The following ADGRE3 variants were observed in gnomAD, a reference collection of about 807,000 sequenced individuals.
The protein encoded by ADGRE3 is EGF-like module receptor 3.
In ADGRE3, 88 loss-of-function variants were observed where a neutral mutation model predicts 80.1. That is an observed-to-expected ratio of 1.10 (90% CI 0.93 to 1.31). The LOEUF is 1.31. ADGRE3 is among the 40% of genes most tolerant of loss of function. The pLI is 0.00. For missense variants in ADGRE3, 715 were observed against 776.5 expected (o/e 0.92, Z 0.94); for synonymous variants, 281 against 294.8 (o/e 0.95, Z 0.48).
chr19:14,622,115 C>G (rs1782663696), intron 15 of ADGRE3: 1 of 1,052,990 alleles, frequency 9.5e-7, no homozygotes, highest in Middle Eastern at 2.8e-4. Context: ...AGCACAGACA[C>G]CAAGGCAGGT....
At chr19:14,646,940 T>C (rs1418934889) in intron 8 of ADGRE3, among the ~76,000 whole-genome samples, 1 of 151,880 alleles carries the variant, frequency 6.6e-6, no homozygotes, top group Admixed American at 6.6e-5. Context: ...CTGGTTTAAA[T>C]CAAGCTAATT....
chr19:14,626,292 A>G (rs975539040), intron 14 of ADGRE3, among the ~76,000 whole-genome samples: 1 of 151,802 alleles, frequency 6.6e-6, no homozygotes, highest in African/African-American at 2.4e-5. Context: ...AAATAATTAG[A>G]TGGGAGTGGT....
chr19:14,607,038 G>T, the ADGRE3 span: 1 of 1,349,556 alleles, frequency 7.4e-7, no homozygotes, highest in Non-Finnish European at 9.6e-7. Context: ...GTACTGGCTG[G>T]GGCTGAATGA....
chr19:14,652,395 C>T (rs975934135), intron 6 of ADGRE3, among the ~76,000 whole-genome samples: 3 of 151,738 alleles, frequency 2.0e-5, no homozygotes, highest in Admixed American at 2.0e-4. Context: ...GTGATGGGTG[C>T]ATCAGGGATT....
chr19:14,615,453 A>AT (rs1031584813), downstream of ADGRE3, among the ~76,000 whole-genome samples: 3 of 151,714 alleles, frequency 2.0e-5, no homozygotes, highest in African/African-American at 7.3e-5. Context: ...ATTAAAAAAA[A>AT]TTTTTTTTAG....
chr19:14,672,087 C>T (rs556862335), intron 1 of ADGRE3, among the ~76,000 whole-genome samples: 321 of 152,248 alleles, frequency 2.1e-3, no homozygotes, highest in Middle Eastern at 6.8e-3. Context: ...ACAAACCTTA[C>T]GCCTGCCCAA....
At chr19:14,613,400 T>A in the ADGRE3 span, among the ~76,000 whole-genome samples, 16 of 151,820 alleles carry the variant, frequency 1.1e-4, no homozygotes, top group African/African-American at 3.4e-4. Context: ...TTTTAATTTT[T>A]TTTTTTTTTT....
At chr19:14,637,404 T>C (rs571424238) in intron 11 of ADGRE3, among the ~76,000 whole-genome samples, 1 of 151,426 alleles carries the variant, frequency 6.6e-6, no homozygotes, top group Non-Finnish European at 1.5e-5. Context: ...TTTTTTTTTT[T>C]TTTTTTTGAG....
chr19:14,644,386 T>G (rs192527710), intron 8 of ADGRE3, 111 bp from the exon 9 acceptor site: 1 of 729,576 alleles, frequency 1.4e-6, no homozygotes, highest in African/African-American at 1.8e-5. Context: ...AGTGGCTCAA[T>G]CTCGGCTCAC....
the ADGRE3 span, chr19:14,610,842 T>A: frequency 6.6e-6 from 1 of 152,134 alleles, no homozygotes; most frequent in Non-Finnish European, 1.5e-5. Flanking sequence ...TTATTATTTT[T>A]ATAGAGATGA....
intron 9 of ADGRE3, 117 bp downstream of exon 9, chr19:14,643,991 A>G: frequency 1.6e-6 from 1 of 616,188 alleles, no homozygotes; most frequent in Non-Finnish European, 2.4e-6. Flanking sequence ...GATTAAAGGC[A>G]TGAGTCACCA....
intron 9 of ADGRE3, among the ~76,000 whole-genome samples, chr19:14,643,338 G>A (rs527774887): frequency 6.6e-6 from 1 of 151,540 alleles, no homozygotes; most frequent in South Asian, 2.1e-4. Context: ...TAGAGATGGG[G>A]TTTCACCATG....
At chr19:14,644,395 A>T in intron 8 of ADGRE3, 120 bp from the exon 9 acceptor site, 1 of 626,434 alleles carries the variant, frequency 1.6e-6, no homozygotes. Context: ...ATCTCGGCTC[A>T]CTGCAACCTC....
chr19:14,632,850 C>T (rs538668516), intron 13 of ADGRE3, 71 bp downstream of exon 13: 94 of 975,714 alleles, frequency 9.6e-5, no homozygotes, highest in Admixed American at 6.4e-4. Context: ...GTTGAATGTA[C>T]GTGTGTATGG....
chr19:14,663,325 A>T, intron 3 of ADGRE3, 93 bp downstream of exon 3: 1 of 771,032 alleles, frequency 1.3e-6, no homozygotes, highest in Non-Finnish European at 1.7e-6. Context: ...TGATCATGCC[A>T]CAGCAGTCCA....
intron 3 of ADGRE3, 152 bp downstream of exon 3, chr19:14,663,266 G>A (rs1972002197): frequency 7.0e-6 from 2 of 287,728 alleles, no homozygotes; most frequent in Non-Finnish European, 1.1e-5. Context: ...GCCTCCCCAA[G>A]TGCTGGGATT....
chr19:14,654,114 CG>C (rs138379805), intron 6 of ADGRE3, among the ~76,000 whole-genome samples: 10,276 of 151,688 alleles, frequency 0.068, 391 homozygotes, highest in Middle Eastern at 0.096. Flanking sequence ...TACCACGCCC[CG>C]CTAATTTCTG....
chr19:14,620,551 TATATATATATA>T (rs1970559042), intron 15 of ADGRE3, among the ~76,000 whole-genome samples: 1 of 23,412 alleles, frequency 4.3e-5, no homozygotes, highest in Non-Finnish European at 7.6e-5. Context: ...ATATATATTA[TATATATATATA>T]TATATATTTT....
intron 1 of ADGRE3, among the ~76,000 whole-genome samples, chr19:14,674,323 C>G (rs933328905): frequency 2.0e-5 from 3 of 151,884 alleles, no homozygotes; most frequent in African/African-American, 7.3e-5. Context: ...ATGGTGAAAC[C>G]CCATCTCTAC....
Sources: gnomAD v4.1 joint callset for allele counts (sites outside exome capture counted in the v4.1 genomes callset) on GRCh38, gnomAD v4.1.1 for gene constraint, MANE v1.5 for transcripts, NCBI Gene and HGNC (gene_info 2026-07-23, HGNC 2026-07-21) for gene names.